GABRB1: variants seen among roughly 807,000 people sequenced by gnomAD.
GABRB1 encodes gamma-aminobutyric acid type A receptor subunit beta1.
In GABRB1, 17 loss-of-function variants were observed where a neutral mutation model predicts 51.6. The ratio of observed to expected loss-of-function variants is 0.33; its 90% CI spans 0.23 to 0.49. The LOEUF (loss-of-function observed/expected upper bound fraction) is 0.49, where lower values mean the gene tolerates loss of function less well. Among genes scored for constraint, GABRB1 ranks in the 20% least tolerant of loss-of-function variants. GABRB1 has a pLI of 0.99. For synonymous variants in GABRB1, 247 were observed against 218.9 expected (o/e 1.13, Z -1.14); for missense variants, 410 against 600.6 (o/e 0.68, Z 3.32).
At chr4:47,137,031 T>C (rs1031390727) in intron 3 of GABRB1, among the ~76,000 whole-genome samples, 8 of 152,072 alleles carry the variant, frequency 5.3e-5, no homozygotes, top group African/African-American at 1.9e-4. Context: ...TTTGCCGATA[T>C]GAAAATGCGG....
At chr4:47,293,663 A>T (rs1030408227) in intron 4 of GABRB1, among the ~76,000 whole-genome samples, 2 of 152,246 alleles carry the variant, frequency 1.3e-5, no homozygotes, top group Non-Finnish European at 1.5e-5. Context: ...GTCATGTAAC[A>T]GTGTAAATGA....
intron 5 of GABRB1, among the ~76,000 whole-genome samples, chr4:47,379,282 A>G (rs1050089999): frequency 6.6e-6 from 1 of 152,074 alleles, no homozygotes; most frequent in African/African-American, 2.4e-5. Context: ...GACGTATACA[A>G]TTTTTCAACT....
chr4:47,423,548 A>ACACTT (rs965726415), intron 8 of GABRB1, among the ~76,000 whole-genome samples: 2 of 152,198 alleles, frequency 1.3e-5, no homozygotes, highest in Non-Finnish European at 2.9e-5. Context: ...TTGACACCTA[A>ACACTT]CACTTCATCT....
At chr4:47,177,515 C>T (rs140227673) in intron 4 of GABRB1, among the ~76,000 whole-genome samples, 21 of 152,178 alleles carry the variant, frequency 1.4e-4, no homozygotes, top group African/African-American at 3.4e-4. Flanking sequence ...GTTCTACTTG[C>T]TTACCTTAGT....
At position 47,387,683 on chromosome 4, in the gene GABRB1, C is replaced by T. The variant is rs2110035768; in HGVS notation, c.545-15635C>T. Among the ~76,000 whole-genome samples, 3 of 152,248 alleles carry T rather than the reference C, an allele frequency of 2.0e-5. No homozygotes were observed. The South Asian group carries it at 6.2e-4, about 32-fold the overall frequency. ...ACTAGACTTTGCTAGCCAGTCACTC[C>T]AAGAATGTCATGACTTGGGCAGGCA... On this transcript the variant is annotated intron_variant, in intron 5 of 8. Coordinates refer to ENST00000295454, the MANE Select transcript of GABRB1 (RefSeq NM_000812.4).
At chr4:47,046,622 C>T (rs936109580) in intron 3 of GABRB1, among the ~76,000 whole-genome samples, 1 of 151,966 alleles carries the variant, frequency 6.6e-6, no homozygotes, top group Non-Finnish European at 1.5e-5. Flanking sequence ...AGAGAAAGTG[C>T]AATCAAGCTG....
chr4:47,358,530 T>C (rs1052363300), intron 5 of GABRB1, among the ~76,000 whole-genome samples: 3 of 152,056 alleles, frequency 2.0e-5, no homozygotes, highest in African/African-American at 7.2e-5. Context: ...AGGGAAGAGT[T>C]GCTGTTACAG....
At chr4:47,298,784 A>T (rs1724120563) in intron 4 of GABRB1, among the ~76,000 whole-genome samples, 1 of 152,216 alleles carries the variant, frequency 6.6e-6, no homozygotes, top group African/African-American at 2.4e-5. Flanking sequence ...TTGCCAAGTC[A>T]ATCCTAAGCC....
chr4:47,300,515 T>C (rs1343984861), intron 4 of GABRB1, among the ~76,000 whole-genome samples: 1 of 152,174 alleles, frequency 6.6e-6, no homozygotes, highest in Non-Finnish European at 1.5e-5. Flanking sequence ...ATATTTTATT[T>C]ATATTAGCAC....
intron 4 of GABRB1, among the ~76,000 whole-genome samples, chr4:47,298,442 T>C (rs574957414): frequency 6.6e-6 from 1 of 151,980 alleles, no homozygotes; most frequent in Non-Finnish European, 1.5e-5. Context: ...TATACACCAA[T>C]AACAGACAAA....
intron 3 of GABRB1, among the ~76,000 whole-genome samples, chr4:47,055,255 A>G (rs1269295463): frequency 1.3e-5 from 2 of 152,238 alleles, no homozygotes; most frequent in African/African-American, 4.8e-5. Flanking sequence ...AATCTTGAAT[A>G]GAGATGGTTT....
intron 3 of GABRB1, among the ~76,000 whole-genome samples, chr4:47,144,481 A>G (rs1362366921): frequency 1.3e-5 from 2 of 151,970 alleles, no homozygotes; most frequent in African/African-American, 4.8e-5. Flanking sequence ...ATTGAGAAAA[A>G]GCAACATCTT....
intron 3 of GABRB1, among the ~76,000 whole-genome samples, chr4:47,139,804 G>A (rs986231362): frequency 2.6e-5 from 4 of 151,956 alleles, no homozygotes; most frequent in Non-Finnish European, 5.9e-5. Context: ...TAGGCCTAGG[G>A]TGGGACCTGA....
intron 4 of GABRB1, among the ~76,000 whole-genome samples, chr4:47,307,687 C>G (rs546365692): frequency 6.6e-6 from 1 of 151,824 alleles, no homozygotes; most frequent in African/African-American, 2.4e-5. Flanking sequence ...ATCTATACTG[C>G]GATACTTTTC....
chr4:47,360,354 C>CA (rs1726759178), intron 5 of GABRB1, among the ~76,000 whole-genome samples: 1 of 151,644 alleles, frequency 6.6e-6, no homozygotes, highest in East Asian at 1.9e-4. Context: ...TGCTGCAACT[C>CA]AGAGTTTTTT....
intron 5 of GABRB1, among the ~76,000 whole-genome samples, chr4:47,340,630 C>T (rs1282313608): frequency 6.6e-6 from 1 of 152,024 alleles, no homozygotes; most frequent in Non-Finnish European, 1.5e-5. Flanking sequence ...TTATTCTATT[C>T]ACTAGGGAAG....
At chr4:47,035,378 C>G (rs2109476358) in intron 3 of GABRB1, among the ~76,000 whole-genome samples, 1 of 152,180 alleles carries the variant, frequency 6.6e-6, no homozygotes, top group South Asian at 2.1e-4. Context: ...ATCATTGGTT[C>G]TAAGCAGTGA....
At chr4:47,418,938 T>C (rs1260636401) in intron 8 of GABRB1, among the ~76,000 whole-genome samples, 1 of 152,226 alleles carries the variant, frequency 6.6e-6, no homozygotes, top group Non-Finnish European at 1.5e-5. Flanking sequence ...CTTGTCATAA[T>C]GAAATGTGAG....
chr4:47,397,032 A>G (rs1006480407), intron 5 of GABRB1, among the ~76,000 whole-genome samples: 2 of 152,024 alleles, frequency 1.3e-5, no homozygotes, highest in Admixed American at 6.5e-5. Context: ...GAAGTTTTTT[A>G]TATATTAAGA....
Sources: gnomAD v4.1 joint callset for allele counts (sites outside exome capture counted in the v4.1 genomes callset) on GRCh38, gnomAD v4.1.1 for gene constraint, MANE v1.5 for transcripts, NCBI Gene and HGNC (gene_info 2026-07-23, HGNC 2026-07-21) for gene names.